The following EGR1 variants were observed in gnomAD, a reference collection of about 807,000 sequenced individuals.
EGR1 encodes early growth response 1, also known as early growth response protein 1.
In EGR1, 8 loss-of-function variants were observed where a neutral mutation model predicts 30.2. The ratio of observed to expected loss-of-function variants is 0.26; its 90% CI spans 0.16 to 0.48. The LOEUF (loss-of-function observed/expected upper bound fraction) is 0.48. Ranked by LOEUF, EGR1 falls within the 20% of genes least tolerant of loss-of-function variation. EGR1 has a pLI of 0.99. For missense variants in EGR1, 568 were observed against 732.3 expected (o/e 0.78, Z 2.59); for synonymous variants, 334 against 312.8 (o/e 1.07, Z -0.72).
chr5:138,465,724 C>G lies in EGR1; in HGVS notation c.-38C>G, dbSNP rs199735825. 2.0e-5 allele frequency: 31 copies of G among 1,533,446 alleles called. No individual in the cohort carries two copies. Among genetic ancestry groups the G allele is most frequent in the Middle Eastern group, 3.9e-4 (2 of 5,102 alleles). 95.0% of individuals were successfully genotyped at this position (1,533,446 alleles called of 1,614,324 possible). A position where few individuals can be genotyped will look rare whatever the true frequency, so the allele number is the denominator to read the frequency against. On this transcript the variant is annotated 5_prime_UTR_variant, in exon 1 of 2. Coordinates refer to ENST00000239938, the MANE Select transcript of EGR1 (RefSeq NM_001964.3). ...CAGCTCCAGCCCCGGGCTGCACCCC[C>G]CCGCCCCGACACCAGCTCTCCAGCC... is the stretch of plus-strand genomic sequence containing the variant.
chr5:138,465,616 G>A lies in EGR1; in HGVS notation c.-146G>A. 1.1e-6 allele frequency: 1 copy of A among 891,944 alleles called. No homozygotes were observed. The highest frequency in any genetic ancestry group is 3.3e-5 in the East Asian group (1 of 30,022). 55.3% of individuals were successfully genotyped at this position (891,944 alleles called of 1,614,324 possible). On this transcript the variant is annotated 5_prime_UTR_variant, in exon 1 of 2. Transcript: ENST00000239938. ...CCACGCCCGCCCGCGCCCAGGGCGAGTCGGGGTCGCCGCCTGCACGCTTCT... is the reference window on the plus strand; with the variant it reads ...CCACGCCCGCCCGCGCCCAGGGCGAATCGGGGTCGCCGCCTGCACGCTTCT...
Position 138,467,804 on chromosome 5 carries a change from C to A in EGR1, c.1355C>A (p.Ser452Tyr). ...YPSPVATSYP[S>Y]PVTTSYPSPA... ...TCCCCGGTTGCTACCTCTTACCCGTCCCCGGTTACTACCTCTTATCCATCC... is the reference window on the plus strand; with the variant it reads ...TCCCCGGTTGCTACCTCTTACCCGTACCCGGTTACTACCTCTTATCCATCC... The change falls in exon 2 of 2, where the codon TCC (serine) becomes TAC (tyrosine). Residue 452 changes from serine to tyrosine, a missense_variant. This residue lies in a region of EGR1 where 118 missense variants were observed against 161.6 expected (regional missense o/e 0.73). Transcript: ENST00000239938. The surrounding 1 kb of genome is among the most constrained non-coding windows in gnomAD (Gnocchi z 8.3). 1.2e-6 allele frequency: 2 copies of A among 1,612,994 alleles called. No homozygotes were observed. The highest frequency in any genetic ancestry group is 1.7e-6 in the Non-Finnish European group (2 of 1,179,862).
chr5:138,468,169 G>A lies in EGR1; in HGVS notation c.*88G>A. 6.6e-7 allele frequency: 1 copy of A among 1,526,220 alleles called. No individual in the cohort carries two copies. The highest frequency in any genetic ancestry group is 8.8e-7 in the Non-Finnish European group (1 of 1,137,438). 94.5% of individuals were successfully genotyped at this position (1,526,220 alleles called of 1,614,324 possible). On this transcript the variant is annotated 3_prime_UTR_variant, in exon 2 of 2. Coordinates refer to ENST00000239938, the MANE Select transcript of EGR1 (RefSeq NM_001964.3). The stretch of plus-strand genomic sequence containing the variant: ...GGAGGAGATGGCCATAGGAGAGGAG[G>A]GTTCCTCTTAGGTCAGATGGAGGTT...
chr5:138,467,026 G>T lies in EGR1; in HGVS notation c.577G>T (p.Ala193Ser), dbSNP rs759021865. Reference sequence around the variant, plus strand: ...CTCCCAGAGCCCACCCCTGAGCTGCGCAGTGCCATCCAACGACAGCAGTCC... The same window carrying T: ...CTCCCAGAGCCCACCCCTGAGCTGCTCAGTGCCATCCAACGACAGCAGTCC... ...SASQSPPLSC[A>S]VPSNDSSPIY... is the part of the protein sequence containing the mutation. Residue 193 changes from alanine (A) to serine (S), a missense_variant, in exon 2 of 2, where the codon GCA becomes TCA. Coordinates refer to ENST00000239938, the MANE Select transcript of EGR1 (RefSeq NM_001964.3). This position sits in a 1 kb window ranked among gnomAD's most constrained non-coding sequence, Gnocchi z 8.3. 6.6e-5 allele frequency: 106 copies of T among 1,613,828 alleles called. No individual in the cohort carries two copies. The South Asian group carries it at 1.1e-3, about 17-fold the overall frequency.
At position 138,465,761 on chromosome 5, in the gene EGR1, G is replaced by A; in HGVS notation, c.-1G>A. On this transcript the variant is annotated 5_prime_UTR_variant, in exon 1 of 2. Coordinates refer to ENST00000239938, the MANE Select transcript of EGR1 (RefSeq NM_001964.3). ...CCAGCTCTCCAGCCTGCTCGTCCAG[G>A]ATGGCCGCGGCCAAGGCCGAGATGC... The A allele has an allele frequency of 6.3e-7, 1 of 1,596,180 alleles. No individual in the cohort carries two copies.
In EGR1 at chr5:138,468,502, T is replaced by G. The variant is rs1331478307; in HGVS notation, c.*421T>G. 1 of 224,536 alleles carries G rather than the reference T, an allele frequency of 4.5e-6. No individual in the cohort carries two copies. The highest frequency in any genetic ancestry group is 2.3e-5 in the African/African-American group (1 of 42,866). The allele number at this position is 224,536 out of a possible 1,614,324, so 13.9% of individuals were successfully genotyped here. ...CCTTGTACAGTGTCTGTGCCATGGATTTCGTTTTTCTTGGGGTACTCTTGA... is the reference window on the plus strand; with the variant it reads ...CCTTGTACAGTGTCTGTGCCATGGAGTTCGTTTTTCTTGGGGTACTCTTGA... On this transcript the variant is annotated 3_prime_UTR_variant, in exon 2 of 2. Transcript: ENST00000239938.
Position 138,466,886 on chromosome 5 carries a change from G to GC in EGR1, c.438dup (p.Asn147GlnfsTer69). On this transcript the variant is annotated frameshift_variant, in exon 2 of 2. Coordinates refer to ENST00000239938, the MANE Select transcript of EGR1 (RefSeq NM_001964.3). LOFTEE classifies it high-confidence loss of function. ...TCCCTGGAGCCTGCACCCAACAGTG[G>GC]CAACACCTTGTGGCCCGAGCCCCTC... 6.2e-7 allele frequency: 1 copy of GC among 1,614,000 alleles called. No homozygotes were observed. Among genetic ancestry groups the GC allele is most frequent in the Non-Finnish European group, 8.5e-7 (1 of 1,180,014 alleles).
Position 138,465,757 on chromosome 5 carries a change from C to T in EGR1, c.-5C>T. 6.3e-7 allele frequency: 1 copy of T among 1,592,044 alleles called. No homozygotes were observed. Among genetic ancestry groups the T allele is most frequent in the Non-Finnish European group, 8.6e-7 (1 of 1,166,302 alleles). On this transcript the variant is annotated 5_prime_UTR_variant, in exon 1 of 2. Transcript: ENST00000239938. Reference sequence around the variant, plus strand: ...GACACCAGCTCTCCAGCCTGCTCGTCCAGGATGGCCGCGGCCAAGGCCGAG... The same window carrying T: ...GACACCAGCTCTCCAGCCTGCTCGTTCAGGATGGCCGCGGCCAAGGCCGAG...
Position 138,467,777 on chromosome 5 carries a change from C to G in EGR1, c.1328C>G (p.Pro443Arg), listed in dbSNP as rs1422118092. 6.2e-7 allele frequency: 1 copy of G among 1,613,758 alleles called. No homozygotes were observed. ...SSATSSLSSY[P>R]SPVATSYPSP... is the part of the protein sequence containing the mutation. ...GCCACCTCCTCTCTCTCTTCCTACC[C>G]GTCCCCGGTTGCTACCTCTTACCCG... The change falls in exon 2 of 2, where the codon CCG becomes CGG. Residue 443 changes from proline to arginine, a missense_variant. Around this residue, in one of 4 missense-constraint regions of EGR1, gnomAD observed 118 missense variants for 161.6 expected, o/e 0.73. Coordinates refer to ENST00000239938, the MANE Select transcript of EGR1 (RefSeq NM_001964.3). This position sits in a 1 kb window ranked among gnomAD's most constrained non-coding sequence, Gnocchi z 8.3.
chr5:138,466,542 G>A (rs954908766), intron 1 of EGR1, among the ~76,000 whole-genome samples: 26 of 152,274 alleles, frequency 1.7e-4, no homozygotes, highest in Admixed American at 6.5e-5. Flanking sequence ...AGCTGCAGTG[G>A]AGGGGGATTC....
chr5:138,466,955 C>T lies in EGR1; in HGVS notation c.506C>T (p.Ala169Val), dbSNP rs200714449. ...CTAGTGAGCATGACCAACCCACCGG[C>T]CTCCTCGTCCTCAGCACCATCTCCA... ...SGLVSMTNPP[A>V]SSSSAPSPAA... is the part of the protein sequence containing the mutation. The change falls in exon 2 of 2, where the codon GCC becomes GTC. Residue 169 changes from alanine (A) to valine (V), a missense_variant. Transcript: ENST00000239938. The T allele has an allele frequency of 1.4e-5, 23 of 1,614,058 alleles. No individual in the cohort carries two copies. The highest frequency in any genetic ancestry group is 1.9e-5 in the Non-Finnish European group (23 of 1,180,020).
intron 1 of EGR1, 53 bp downstream of exon 1, chr5:138,466,121 C>T (rs1764155541): frequency 6.7e-7 from 1 of 1,484,094 alleles, no homozygotes; most frequent in Non-Finnish European, 8.9e-7. Context: ...TCCTGGCGTC[C>T]TGTCCTTCAC....
Position 138,466,833 on chromosome 5 carries a change from G to GC in EGR1, c.390dup (p.Ile131HisfsTer85). 1 of 1,614,004 alleles carries GC rather than the reference G, an allele frequency of 6.2e-7. No individual in the cohort carries two copies. On this transcript the variant is annotated frameshift_variant, in exon 2 of 2. Coordinates refer to ENST00000239938, the MANE Select transcript of EGR1 (RefSeq NM_001964.3). LOFTEE classifies it high-confidence loss of function. ...GTTACCCCAGCCAAACCACTCGACTGCCCCCCATCACCTATACTGGCCGCT... is the reference window on the plus strand; with the variant it reads ...GTTACCCCAGCCAAACCACTCGACTGCCCCCCCATCACCTATACTGGCCGCT...
Position 138,467,916 on chromosome 5 carries a change from C to T in EGR1, c.1467C>T (p.Gly489=). 6.2e-7 allele frequency: 1 copy of T among 1,613,402 alleles called. No individual in the cohort carries two copies. Among genetic ancestry groups the T allele is most frequent in the South Asian group, 1.1e-5 (1 of 91,034 alleles). The change falls in exon 2 of 2, where the codon GGC becomes GGT. Residue 489 remains glycine, a synonymous_variant. Coordinates refer to ENST00000239938, the MANE Select transcript of EGR1 (RefSeq NM_001964.3). This position sits in a 1 kb window ranked among gnomAD's most constrained non-coding sequence, Gnocchi z 8.3. The stretch of plus-strand genomic sequence containing the variant: ...CCTACCCATCCCCTGTGCACAGTGG[C>T]TTCCCCTCCCCGTCGGTGGCCACCA... ...SSTYPSPVHS[G]FPSPSVATTY...
At position 138,468,303 on chromosome 5, in the gene EGR1, T is replaced by C. The variant is rs200295874; in HGVS notation, c.*222T>C. The C allele has an allele frequency of 2.1e-6, 2 of 970,996 alleles. No homozygotes were observed. Among genetic ancestry groups the C allele is most frequent in the Non-Finnish European group, 3.1e-6 (2 of 638,214 alleles). The allele number at this position is 970,996 out of a possible 1,614,324, so 60.1% of individuals were successfully genotyped here. On this transcript the variant is annotated 3_prime_UTR_variant, in exon 2 of 2. Transcript: ENST00000239938. ...ACTATTCCCTTTGACTTCAGCTGCC[T>C]GAAACAGCCATGTCCAAGTTCTTCA...
chr5:138,466,691 GTCGTCC>G, intron 1 of EGR1, 60 bp from the exon 2 acceptor site: 1 of 1,538,558 alleles, frequency 6.5e-7, no homozygotes, highest in African/African-American at 1.4e-5. Context: ...GGCAGCTCGG[GTCGTCC>G]TCGTCCTCCA....
rs372611694 is a variant in EGR1, at chr5:138,465,866, G to A, written c.105G>A (p.Leu35=). Residue 35 remains leucine (L), a synonymous_variant, in exon 1 of 2, where the codon CTG becomes CTA. Transcript: ENST00000239938. Reference sequence around the variant, plus strand: ...CCACCATGGACAACTACCCTAAGCTGGAGGAGATGATGCTGCTGAGCAACG... The same window carrying A: ...CCACCATGGACAACTACCCTAAGCTAGAGGAGATGATGCTGCTGAGCAACG... ...HSPTMDNYPK[L]EEMMLLSNGA... The A allele has an allele frequency of 1.9e-6, 3 of 1,613,868 alleles. No homozygotes were observed. The African/African-American group carries it at 4.0e-5, about 22-fold the overall frequency.
Position 138,467,129 on chromosome 5 carries a change from G to C in EGR1, c.680G>C (p.Gly227Ala), listed in dbSNP as rs957347240. The C allele has an allele frequency of 1.9e-6, 3 of 1,613,292 alleles. No individual in the cohort carries two copies. Among genetic ancestry groups the C allele is most frequent in the Admixed American group, 1.7e-5 (1 of 60,000 alleles). Residue 227 changes from glycine to alanine, a missense_variant, in exon 2 of 2, where the codon GGC becomes GCC. By Grantham distance (60) the Gly-to-Ala change is moderately conservative. Coordinates refer to ENST00000239938, the MANE Select transcript of EGR1 (RefSeq NM_001964.3). The surrounding 1 kb of genome is among the most constrained non-coding windows in gnomAD (Gnocchi z 8.3). ...GAGCCACAAAGCCAGGCCTTCCCGG[G>C]CTCGGCAGGGACAGCGCTCCAGTAC... ...FPEPQSQAFPGSAGTALQYPP... is the reference protein window; with the variant it reads ...FPEPQSQAFPASAGTALQYPP...
Position 138,465,528 on chromosome 5 carries a change from C to G in EGR1, c.-234C>G. 3.5e-6 allele frequency: 1 copy of G among 288,084 alleles called. No homozygotes were observed. The highest frequency in any genetic ancestry group is 6.3e-6 in the Non-Finnish European group (1 of 159,848). 17.8% of individuals were successfully genotyped at this position (288,084 alleles called of 1,614,324 possible). ...GGGGAGCCGCCGCCGCCATCCGCCG[C>G]CGCAGCCAGCTTCCGCCGCCGCAGG... On this transcript the variant is annotated 5_prime_UTR_variant, in exon 1 of 2. Coordinates refer to ENST00000239938, the MANE Select transcript of EGR1 (RefSeq NM_001964.3).
Sources: gnomAD v4.1 joint callset for allele counts (sites outside exome capture counted in the v4.1 genomes callset) on GRCh38, gnomAD v4.1.1 for gene constraint, gnomAD v4.1.1 regional missense constraint, Gnocchi (gnomAD v3.1) non-coding constraint, MANE v1.5 for transcripts, NCBI Gene and HGNC (gene_info 2026-07-23, HGNC 2026-07-21) for gene names.